MYO16: variants seen among roughly 807,000 people sequenced by gnomAD.
The protein encoded by MYO16 is myosin XVI.
A neutral mutation model predicts 205.3 loss-of-function variants in MYO16; 94 were observed. The observed-to-expected ratio is 0.46, with a 90% CI of 0.39 to 0.54. The LOEUF is 0.54. Ranked by LOEUF, MYO16 falls within the 20% of genes least tolerant of loss-of-function variation. The pLI is 0.00. For synonymous variants in MYO16, 988 were observed against 954.0 expected (o/e 1.04, Z -0.66); for missense variants, 2,315 against 2,387.5 (o/e 0.97, Z 0.63).
intron 32 of MYO16, chr13:109,164,057 G>C (rs373752021): frequency 6.6e-6 from 1 of 152,184 alleles, no homozygotes; most frequent in Non-Finnish European, 1.5e-5. Flanking sequence ...CTTTTTTGAG[G>C]TTCCTTAGGA....
chr13:108,793,123 A>C (rs2138944086), intron 5 of MYO16, among the ~76,000 whole-genome samples: 1 of 152,146 alleles, frequency 6.6e-6, no homozygotes, highest in South Asian at 2.1e-4. Flanking sequence ...CTCTACTAAA[A>C]ATACAAAAAA....
chr13:109,042,015 CCACCA>C lies in MYO16; in HGVS notation c.2797-4896_2797-4892del, dbSNP rs372534380. On this transcript the variant is annotated intron_variant, in intron 23 of 34. Transcript: ENST00000457511. ...GAGTAGCTGGGATTGCAGGCGTATA[CCACCA>C]CACCTGGCTAGTTTTTGTATTTTTA... Among the ~76,000 whole-genome samples, 15 of 152,176 alleles carry C rather than the reference CCACCA, an allele frequency of 9.9e-5. No individual in the cohort carries two copies. The East Asian group carries it at 2.9e-3, about 29-fold the overall frequency.
chr13:108,784,577 A>G (rs1377293705), intron 4 of MYO16, among the ~76,000 whole-genome samples: 1 of 152,094 alleles, frequency 6.6e-6, no homozygotes, highest in East Asian at 1.9e-4. Context: ...AAGTATAGAA[A>G]ATCTCTTTGC....
chr13:108,531,191 G>A, the MYO16 span, among the ~76,000 whole-genome samples: 3 of 152,174 alleles, frequency 2.0e-5, no homozygotes, highest in Admixed American at 1.3e-4. Flanking sequence ...AAGTTAGTCC[G>A]AGGTCAGAGT....
intron 3 of MYO16, among the ~76,000 whole-genome samples, chr13:108,722,032 T>C (rs1470278168): frequency 6.6e-6 from 1 of 152,208 alleles, no homozygotes; most frequent in African/African-American, 2.4e-5. Flanking sequence ...CTGATATCAC[T>C]ATCTTGAAAT....
At chr13:108,759,806 C>T (rs111542451) in intron 4 of MYO16, among the ~76,000 whole-genome samples, 3 of 136,600 alleles carry the variant, frequency 2.2e-5, no homozygotes, top group African/African-American at 5.6e-5. Flanking sequence ...GGCGACACAG[C>T]GAGACTCCGT....
At chr13:108,695,555 CA>C (rs201525503) in intron 2 of MYO16, among the ~76,000 whole-genome samples, 76 of 144,488 alleles carry the variant, frequency 5.3e-4, no homozygotes, top group African/African-American at 6.4e-4. Context: ...TTAATTTCTG[CA>C]AAAAAAAAAA....
chr13:109,011,337 C>G (rs1566459554), intron 22 of MYO16, among the ~76,000 whole-genome samples: 1 of 152,110 alleles, frequency 6.6e-6, no homozygotes, highest in Non-Finnish European at 1.5e-5. Flanking sequence ...GAAGCACGCT[C>G]TGCTGTGTGA....
At chr13:109,153,086 A>T (rs995684201) in intron 32 of MYO16, among the ~76,000 whole-genome samples, 5 of 152,210 alleles carry the variant, frequency 3.3e-5, no homozygotes, top group Admixed American at 3.3e-4. Flanking sequence ...AACACGACGT[A>T]TCCATGACGC....
intron 16 of MYO16, among the ~76,000 whole-genome samples, chr13:108,933,098 G>C (rs1882331538): frequency 6.6e-6 from 1 of 152,126 alleles, no homozygotes; most frequent in Non-Finnish European, 1.5e-5. Context: ...ATGTTCTCTT[G>C]GTGGAGCAGG....
chr13:108,555,094 C>T, the MYO16 span, among the ~76,000 whole-genome samples: 1 of 152,074 alleles, frequency 6.6e-6, no homozygotes, highest in Non-Finnish European at 1.5e-5. Context: ...ATATTTGGGG[C>T]TGTGTGTCTT....
At chr13:108,518,985 T>A in the MYO16 span, among the ~76,000 whole-genome samples, 2 of 152,184 alleles carry the variant, frequency 1.3e-5, no homozygotes, top group Admixed American at 6.5e-5. Context: ...TAATGTGATC[T>A]CAGATTAACA....
chr13:108,726,544 T>A (rs1223313166), intron 3 of MYO16, among the ~76,000 whole-genome samples: 1 of 138,828 alleles, frequency 7.2e-6, no homozygotes, highest in Non-Finnish European at 1.5e-5. Context: ...GGTGACAAAG[T>A]GAGACTCTGT....
At chr13:108,559,374 T>TGA in the MYO16 span, among the ~76,000 whole-genome samples, 1 of 152,126 alleles carries the variant, frequency 6.6e-6, no homozygotes, top group South Asian at 2.1e-4. Flanking sequence ...GCCAACACCT[T>TGA]GACTTGCATT....
At chr13:108,713,590 A>T (rs1452732908) in intron 3 of MYO16, among the ~76,000 whole-genome samples, 3 of 152,178 alleles carry the variant, frequency 2.0e-5, no homozygotes, top group African/African-American at 7.2e-5. Context: ...TCTGGGATGT[A>T]GCTTGACCGC....
chr13:109,184,406 A>C (rs1879588217), intron 34 of MYO16, among the ~76,000 whole-genome samples: 1 of 152,220 alleles, frequency 6.6e-6, no homozygotes, highest in African/African-American at 2.4e-5. Context: ...AGAAATTTAG[A>C]AAATAAAAAA....
At chr13:108,737,511 T>A (rs1884746603) in intron 4 of MYO16, among the ~76,000 whole-genome samples, 2 of 152,204 alleles carry the variant, frequency 1.3e-5, no homozygotes, top group Admixed American at 1.3e-4. Flanking sequence ...GTGGATAAGC[T>A]TTTTGATGTG....
At chr13:108,862,821 A>G (rs1225253198) in intron 11 of MYO16, among the ~76,000 whole-genome samples, 1 of 152,162 alleles carries the variant, frequency 6.6e-6, no homozygotes, top group African/African-American at 2.4e-5. Flanking sequence ...TTGATTTTTC[A>G]TTTCACAAAA....
chr13:108,910,393 G>T (rs1337934), intron 16 of MYO16, among the ~76,000 whole-genome samples: 31,887 of 152,020 alleles, frequency 0.21, 4,020 homozygotes, highest in East Asian at 0.67. Flanking sequence ...AACTTGTGCA[G>T]ATATAAACTC....
Sources: allele counts gnomAD v4.1 joint callset (sites outside exome capture counted in the v4.1 genomes callset), GRCh38; gene constraint gnomAD v4.1.1; transcripts MANE v1.5; gene names NCBI Gene and HGNC (gene_info 2026-07-23, HGNC 2026-07-21).